ABI1: variants seen among roughly 807,000 people sequenced by gnomAD.
The protein encoded by ABI1 is Abelson interactor 1.
ABI1 carries 14 observed loss-of-function variants against 54.6 expected under a neutral mutation model. That is an observed-to-expected ratio of 0.26 (90% confidence interval 0.17 to 0.40). The LOEUF (loss-of-function observed/expected upper bound fraction) is 0.40. Ranked by LOEUF, ABI1 falls within the 10% of genes least tolerant of loss-of-function variation. The pLI is 1.00. For missense variants in ABI1, 443 were observed against 598.3 expected (o/e 0.74, Z 2.71); for synonymous variants, 194 against 209.3 (o/e 0.93, Z 0.63).
intron 2 of ABI1, among the ~76,000 whole-genome samples, chr10:26,819,511 T>C (rs894915804): frequency 1.3e-5 from 2 of 152,218 alleles, no homozygotes; most frequent in African/African-American, 4.8e-5. Flanking sequence ...TCCTTAATAA[T>C]TGATAAAACA....
chr10:26,820,338 G>A (rs2047889393), intron 2 of ABI1, among the ~76,000 whole-genome samples: 2 of 151,828 alleles, frequency 1.3e-5, no homozygotes, highest in South Asian at 4.2e-4. Flanking sequence ...ACTCAATAAA[G>A]CTGCGGGGGA....
chr10:26,828,374 G>C (rs1393530915), intron 1 of ABI1, among the ~76,000 whole-genome samples: 2 of 152,178 alleles, frequency 1.3e-5, no homozygotes, highest in Non-Finnish European at 2.9e-5. Flanking sequence ...AAATATGACA[G>C]AGACATGCAA....
rs1838755684 is a variant in ABI1 at position 26,759,140 on chromosome 10, T to C, written c.919A>G (p.Arg307Gly). 1 of 1,614,150 alleles carries C rather than the reference T, an allele frequency of 6.2e-7. No homozygotes were observed. Among genetic ancestry groups the C allele is most frequent in the South Asian group, 1.1e-5 (1 of 91,088 alleles). The stretch of plus-strand genomic sequence containing the variant: ...TGAGCAGTCACAGAGGGAGTTCGTC[T>C]GTATCCACCAGAAGATGTCGAAGAA... ...TTSSTSSGGY[R>G]RTPSVTAQFS... The change falls in exon 8 of 11, where the codon AGA becomes GGA. Residue 307 changes from arginine to glycine, a missense_variant. Coordinates refer to ENST00000376140, the MANE Select transcript of ABI1 (RefSeq NM_001012750.3).
At chr10:26,768,087 T>C (rs981112318) in intron 6 of ABI1, among the ~76,000 whole-genome samples, 3 of 151,894 alleles carry the variant, frequency 2.0e-5, no homozygotes, top group Non-Finnish European at 1.5e-5. Flanking sequence ...CAACATATTC[T>C]AGTATACTGA....
intron 10 of ABI1, among the ~76,000 whole-genome samples, chr10:26,750,928 T>C (rs1481582570): frequency 6.6e-6 from 1 of 152,218 alleles, no homozygotes; most frequent in Non-Finnish European, 1.5e-5. Context: ...TTGTGTTTTA[T>C]AAAATCACCT....
intron 2 of ABI1, among the ~76,000 whole-genome samples, chr10:26,801,487 C>T (rs1054507055): frequency 2.6e-5 from 4 of 151,632 alleles, no homozygotes; most frequent in East Asian, 1.9e-4. Context: ...GCAGAGGTTG[C>T]GGTGAGCCAA....
intron 8 of ABI1, among the ~76,000 whole-genome samples, chr10:26,756,155 C>T (rs1177029979): frequency 6.6e-6 from 1 of 152,074 alleles, no homozygotes; most frequent in East Asian, 1.9e-4. Flanking sequence ...ATAGCTATAA[C>T]AGGTTTGTCT....
In ABI1 at chr10:26,768,955, G is replaced by T; in HGVS notation, c.616C>A (p.Pro206Thr). 6.2e-7 allele frequency: 1 copy of T among 1,612,732 alleles called. No individual in the cohort carries two copies. Among genetic ancestry groups the T allele is most frequent in the Non-Finnish European group, 8.5e-7 (1 of 1,179,082 alleles). ...ATATAGTCATTAGGAACTGTTGGGG[G>T]TTTAACAGGTTCCAGGGTTTTATAA... The part of the protein sequence containing the change: ...TPYKTLEPVK[P>T]PTVPNDYMTS... The change falls in exon 6 of 11, where the codon CCC becomes ACC. Residue 206 changes from proline to threonine, a missense_variant. Physicochemically the swap from Pro to Thr is conservative, Grantham distance 38. Around this residue, in one of 2 missense-constraint regions of ABI1, gnomAD observed 394 missense variants for 484.8 expected, o/e 0.81. Coordinates refer to ENST00000376140, the MANE Select transcript of ABI1 (RefSeq NM_001012750.3).
chr10:26,787,577 T>C (rs1490202731), intron 2 of ABI1, among the ~76,000 whole-genome samples: 1 of 147,040 alleles, frequency 6.8e-6, no homozygotes, highest in African/African-American at 2.5e-5. Flanking sequence ...TATGGCAGGG[T>C]GAGCAAAAAA....
chr10:26,828,593 T>C (rs1343872142), intron 1 of ABI1, among the ~76,000 whole-genome samples: 1 of 152,182 alleles, frequency 6.6e-6, no homozygotes, highest in Non-Finnish European at 1.5e-5. Context: ...ATTAATCAAA[T>C]GAGCCTAACT....
At chr10:26,791,068 CAAAAAAAAAAA>C (rs369738380) in intron 2 of ABI1, among the ~76,000 whole-genome samples, 3 of 59,138 alleles carry the variant, frequency 5.1e-5, no homozygotes, top group African/African-American at 1.7e-4. Context: ...GATTCCGTCT[CAAAAAAAAAAA>C]AAAAAAAAAA....
chr10:26,858,070 T>C (rs1302340957), intron 1 of ABI1, among the ~76,000 whole-genome samples: 2 of 152,036 alleles, frequency 1.3e-5, no homozygotes, highest in Non-Finnish European at 1.5e-5. Context: ...AAAAACGAAA[T>C]GAAAAGTGAA....
intron 1 of ABI1, among the ~76,000 whole-genome samples, chr10:26,855,680 C>G (rs60603294): frequency 0.024 from 3,610 of 152,168 alleles, 148 homozygotes; most frequent in African/African-American, 0.081. Context: ...CCATAAGAAC[C>G]CTGTTTAGGG....
At chr10:26,816,452 G>A (rs2047572050) in intron 2 of ABI1, among the ~76,000 whole-genome samples, 1 of 152,166 alleles carries the variant, frequency 6.6e-6, no homozygotes, top group Non-Finnish European at 1.5e-5. Context: ...AAAACTTTAT[G>A]TTAAAGAAAC....
At chr10:26,852,888 A>G (rs12413375) in intron 1 of ABI1, among the ~76,000 whole-genome samples, 38,901 of 151,934 alleles carry the variant, frequency 0.26, 5,621 homozygotes, top group South Asian at 0.44. Context: ...GCAACACGGC[A>G]AAATCCCATC....
At chr10:26,854,958 C>T (rs1462489612) in intron 1 of ABI1, among the ~76,000 whole-genome samples, 1 of 152,162 alleles carries the variant, frequency 6.6e-6, no homozygotes, top group Non-Finnish European at 1.5e-5. Context: ...AATTCCTATA[C>T]AGGTTCAGTA....
At chr10:26,851,317 T>C (rs1264202864) in intron 1 of ABI1, among the ~76,000 whole-genome samples, 1 of 149,592 alleles carries the variant, frequency 6.7e-6, no homozygotes, top group Admixed American at 6.7e-5. Context: ...CACCTCAGTC[T>C]GCCAAGTAGC....
chr10:26,794,464 T>C (rs1451669173), intron 2 of ABI1, among the ~76,000 whole-genome samples: 1 of 151,938 alleles, frequency 6.6e-6, no homozygotes, highest in African/African-American at 2.4e-5. Flanking sequence ...AAGTACAGTC[T>C]AATGACTAAG....
intron 1 of ABI1, among the ~76,000 whole-genome samples, chr10:26,844,519 T>C (rs2049825064): frequency 6.6e-6 from 1 of 152,218 alleles, no homozygotes; most frequent in Admixed American, 6.5e-5. Context: ...CCCTTTCCTC[T>C]CCTCTTCCCT....
Sources: gnomAD v4.1 joint callset for allele counts (sites outside exome capture counted in the v4.1 genomes callset) on GRCh38, gnomAD v4.1.1 for gene constraint, gnomAD v4.1.1 regional missense constraint, MANE v1.5 for transcripts, NCBI Gene and HGNC (gene_info 2026-07-23, HGNC 2026-07-21) for gene names.